Variants in APLF observed in about 807,000 individuals in gnomAD.
The protein encoded by APLF is aprataxin and PNKP like factor.
APLF carries 61 observed loss-of-function variants against 55.6 expected under a neutral mutation model. That is an observed-to-expected ratio of 1.10 (90% CI 0.89 to 1.36). The LOEUF is 1.36. APLF is among the 40% of genes most tolerant of loss of function. The pLI is 0.00. For synonymous variants in APLF, 207 were observed against 214.8 expected, an observed-to-expected ratio of 0.96 and a Z score of 0.32; for missense variants, 611 against 602.5, an observed-to-expected ratio of 1.01 and a Z score of -0.15.
At chr2:68,563,102 G>C in intron 8 of APLF, 1 of 985,198 alleles carries the variant, frequency 1.0e-6, no homozygotes, top group Non-Finnish European at 1.2e-6. Context: ...TAGGTTGGAA[G>C]TTCAGTGTCC....
intron 6 of APLF, among the ~76,000 whole-genome samples, chr2:68,534,316 A>G (rs1036995556): frequency 3.9e-5 from 6 of 152,204 alleles, no homozygotes; most frequent in Admixed American, 3.9e-4. Context: ...AGTTGGGGCT[A>G]GAGGTTAGGA....
intron 8 of APLF, among the ~76,000 whole-genome samples, chr2:68,566,298 A>G (rs1176372357): frequency 6.6e-6 from 1 of 152,096 alleles, no homozygotes; most frequent in Non-Finnish European, 1.5e-5. Flanking sequence ...CCTAAAAGAT[A>G]TATTATAAGG....
chr2:68,549,453 T>C (rs1429524840), intron 8 of APLF, among the ~76,000 whole-genome samples: 1 of 152,120 alleles, frequency 6.6e-6, no homozygotes, highest in African/African-American at 2.4e-5. Context: ...AGAATTGCTC[T>C]AATATCTATT....
chr2:68,487,742 T>A (rs1396676158), intron 1 of APLF, among the ~76,000 whole-genome samples: 1 of 152,168 alleles, frequency 6.6e-6, no homozygotes, highest in Non-Finnish European at 1.5e-5. Flanking sequence ...TTAAAATGTT[T>A]TAATGATAAT....
At chr2:68,490,382 C>A in intron 2 of APLF, 121 bp downstream of exon 2, 1 of 631,994 alleles carries the variant, frequency 1.6e-6, no homozygotes, top group Non-Finnish European at 2.5e-6. Context: ...ATACCCTTCT[C>A]ATTGCCAGAA....
rs565709663 is a variant in APLF at position 68,524,410 on chromosome 2, A to G, written c.623-1651A>G. Among the ~76,000 whole-genome samples, 3 of 152,336 alleles carry G rather than the reference A, an allele frequency of 2.0e-5. No individual in the cohort carries two copies. In the South Asian group the frequency reaches 6.2e-4, roughly 32 times the overall value. On this transcript the variant is annotated intron_variant, in intron 5 of 9. Coordinates refer to ENST00000303795, the MANE Select transcript of APLF (RefSeq NM_173545.3). ...ATGTCCTTTAGAACTGGACTAAGCAAACTACAGCCCATGGGCCAAATTAGG... is the reference window on the plus strand; with the variant it reads ...ATGTCCTTTAGAACTGGACTAAGCAGACTACAGCCCATGGGCCAAATTAGG...
intron 1 of APLF, among the ~76,000 whole-genome samples, chr2:68,489,223 AT>A (rs1340063612): frequency 1.3e-5 from 2 of 152,180 alleles, no homozygotes; most frequent in East Asian, 1.9e-4. Context: ...GCAGTTTCAC[AT>A]TTTTTGTGGA....
chr2:68,508,239 G>A, intron 3 of APLF, among the ~76,000 whole-genome samples: 1 of 151,814 alleles, frequency 6.6e-6, no homozygotes, highest in South Asian at 2.1e-4. Context: ...ACAGTAATCA[G>A]GACAGTCCTG....
intron 6 of APLF, among the ~76,000 whole-genome samples, chr2:68,527,092 G>A (rs6752227): frequency 0.078 from 11,657 of 149,000 alleles, 1,260 homozygotes; most frequent in African/African-American, 0.25. Context: ...CTTCCCAGAC[G>A]GTGCAGGGGC....
chr2:68,538,680 A>G (rs149570387), intron 7 of APLF, among the ~76,000 whole-genome samples: 35 of 133,412 alleles, frequency 2.6e-4, no homozygotes, highest in African/African-American at 7.4e-4. Context: ...ACTGAATATA[A>G]TAATCCTGGA....
intron 3 of APLF, among the ~76,000 whole-genome samples, chr2:68,506,591 T>A (rs1172788809): frequency 6.6e-6 from 1 of 151,990 alleles, no homozygotes; most frequent in African/African-American, 2.4e-5. Flanking sequence ...TATCCCTATA[T>A]GACAGATGAA....
At chr2:68,572,376 T>C (rs1671493949) in intron 9 of APLF, among the ~76,000 whole-genome samples, 1 of 152,166 alleles carries the variant, frequency 6.6e-6, no homozygotes, top group Non-Finnish European at 1.5e-5. Context: ...TTTAGGAATA[T>C]TGAGGCAAAA....
At chr2:68,528,785 A>G in intron 6 of APLF, 1 of 1,432,702 alleles carries the variant, frequency 7.0e-7, no homozygotes, top group Non-Finnish European at 9.5e-7. Flanking sequence ...CACTGCATGC[A>G]CCTGGGCCTT....
chr2:68,558,313 TGTA>T (rs924389276), intron 8 of APLF, among the ~76,000 whole-genome samples: 79 of 152,180 alleles, frequency 5.2e-4, no homozygotes, highest in African/African-American at 1.5e-3. Context: ...CATAGTAAAT[TGTA>T]GTAATTATCA....
chr2:68,494,430 A>T (rs1174818370), intron 2 of APLF, among the ~76,000 whole-genome samples: 1 of 152,054 alleles, frequency 6.6e-6, no homozygotes, highest in Admixed American at 6.6e-5. Context: ...GGAAATAGGC[A>T]TGTCACATGT....
rs1671683186 is a variant in APLF at position 68,578,549 on chromosome 2, T to A, written c.*527T>A. ...GCAATTTCACTTACTACTTTTATCC[T>A]TCAAAACTTGGGAAGATTGGTTCCA... is the stretch of plus-strand genomic sequence containing the variant. On this transcript the variant is annotated 3_prime_UTR_variant, in exon 10 of 10. Coordinates refer to ENST00000303795, the MANE Select transcript of APLF (RefSeq NM_173545.3). 1.0e-6 allele frequency: 1 copy of A among 985,568 alleles called. No individual in the cohort carries two copies. Among genetic ancestry groups the A allele is most frequent in the Non-Finnish European group, 1.2e-6 (1 of 830,200 alleles). The allele number at this position is 985,568 out of a possible 1,614,324, so 61.1% of individuals were successfully genotyped here. A position where few individuals can be genotyped will look rare whatever the true frequency, so the allele number is the denominator to read the frequency against.
At position 68,526,702 on chromosome 2, in the gene APLF, G is replaced by A. The variant is rs370274669; in HGVS notation, c.804+460G>A. Among the ~76,000 whole-genome samples the A allele has an allele frequency of 2.8e-4, 43 of 152,242 alleles. 1 individual carries two copies. The highest frequency in any genetic ancestry group is 9.6e-4 in the African/African-American group (40 of 41,544). Reference sequence around the variant, plus strand: ...CCATCCTGCTCTCAACTACAACATCGTTTCAGGACGGAGTCTTGCTGTGTC... The same window carrying A: ...CCATCCTGCTCTCAACTACAACATCATTTCAGGACGGAGTCTTGCTGTGTC... On this transcript the variant is annotated intron_variant, in intron 6 of 9. Transcript: ENST00000303795.
chr2:68,470,997 A>C (rs1241330298), intron 1 of APLF, among the ~76,000 whole-genome samples: 2 of 152,200 alleles, frequency 1.3e-5, no homozygotes, highest in African/African-American at 4.8e-5. Flanking sequence ...GCTGTCCTGG[A>C]ATGCTGTTCC....
intron 3 of APLF, among the ~76,000 whole-genome samples, chr2:68,503,648 A>T (rs1009215107): frequency 6.6e-5 from 10 of 152,148 alleles, no homozygotes; most frequent in African/African-American, 1.9e-4. Context: ...GAAATTGGAA[A>T]ACATTTTGAA....
Sources: gnomAD v4.1 joint callset for allele counts (sites outside exome capture counted in the v4.1 genomes callset) on GRCh38, gnomAD v4.1.1 for gene constraint, MANE v1.5 for transcripts, NCBI Gene and HGNC (gene_info 2026-07-23, HGNC 2026-07-21) for gene names.